Variants in RBMS3 observed in about 807,000 individuals in gnomAD.
RBMS3 encodes the protein RNA binding motif single stranded interacting protein 3.
Under a neutral mutation model 66.8 loss-of-function variants are expected in RBMS3, and 27 were observed. The ratio of observed to expected loss-of-function variants is 0.40; its 90% CI spans 0.30 to 0.56. The LOEUF (loss-of-function observed/expected upper bound fraction) is 0.56, where lower values mean the gene tolerates loss of function less well. RBMS3 is among the 20% of genes least tolerant of loss of function. The pLI is 0.40. For missense variants in RBMS3, 513 were observed against 549.5 expected (o/e 0.93, Z 0.66); for synonymous variants, 188 against 183.0 (o/e 1.03, Z -0.22).
At chr3:29,657,761 T>A (rs1023883273) in intron 4 of RBMS3, among the ~76,000 whole-genome samples, 5 of 152,192 alleles carry the variant, frequency 3.3e-5, no homozygotes, top group African/African-American at 1.2e-4. Context: ...ACAAATGTTC[T>A]TGCTCTTTTA....
Position 29,627,074 on chromosome 3 carries a change from T to C in RBMS3, c.399+39869T>C, listed in dbSNP as rs936335787. Among the ~76,000 whole-genome samples, 53 of 152,280 alleles carry C rather than the reference T, an allele frequency of 3.5e-4. 2 individuals carry two copies. The highest frequency in any genetic ancestry group is 2.9e-3 in the Admixed American group (45 of 15,282). On this transcript the variant is annotated intron_variant, in intron 4 of 14. Transcript: ENST00000383767. ...AATAGTAATAAGAATATCTACCTCTTTCATTACTGTGACGGATTTAATAAG... is the reference window on the plus strand; with the variant it reads ...AATAGTAATAAGAATATCTACCTCTCTCATTACTGTGACGGATTTAATAAG...
intron 3 of RBMS3, among the ~76,000 whole-genome samples, chr3:29,539,219 G>A (rs73828688): frequency 0.015 from 2,297 of 152,064 alleles, 52 homozygotes; most frequent in African/African-American, 0.053. Context: ...ATACATTGTC[G>A]ATGCAAAAAA....
chr3:29,555,801 A>G (rs1161636528), intron 3 of RBMS3, among the ~76,000 whole-genome samples: 5 of 152,210 alleles, frequency 3.3e-5, no homozygotes, highest in Admixed American at 2.6e-4. Context: ...ATACCATGCT[A>G]TTGTTACTCT....
At chr3:29,615,332 C>T (rs1170621489) in intron 4 of RBMS3, 1 of 152,146 alleles carries the variant, frequency 6.6e-6, no homozygotes, top group Non-Finnish European at 1.5e-5. Context: ...GGTCTCCTGT[C>T]TGTGATCATG....
At chr3:30,002,565 T>C (rs1452474112) in intron 14 of RBMS3, among the ~76,000 whole-genome samples, 1 of 152,092 alleles carries the variant, frequency 6.6e-6, no homozygotes, top group Non-Finnish European at 1.5e-5. Flanking sequence ...TTATTGTTGC[T>C]ACTGTATGAA....
chr3:29,892,802 A>G (rs1335918380), intron 8 of RBMS3, among the ~76,000 whole-genome samples: 2 of 140,184 alleles, frequency 1.4e-5, no homozygotes, highest in African/African-American at 5.4e-5. Flanking sequence ...CTCTGCTTGA[A>G]GTATGTATGT....
chr3:29,930,109 CTT>C (rs775548425), intron 10 of RBMS3, among the ~76,000 whole-genome samples: 4 of 43,556 alleles, frequency 9.2e-5, no homozygotes, highest in South Asian at 1.2e-3. Flanking sequence ...TTCTTTCTTT[CTT>C]TTTTTTTTTT....
chr3:29,725,279 A>T (rs976081463), intron 4 of RBMS3, among the ~76,000 whole-genome samples: 8 of 152,198 alleles, frequency 5.3e-5, no homozygotes, highest in Non-Finnish European at 1.2e-4. Flanking sequence ...CATTAAACGT[A>T]AGACTTATTT....
At chr3:29,801,152 C>T (rs2149443135) in intron 6 of RBMS3, among the ~76,000 whole-genome samples, 1 of 151,982 alleles carries the variant, frequency 6.6e-6, no homozygotes, top group African/African-American at 2.4e-5. Context: ...TATCAGAAGC[C>T]AAAACTGTAA....
At chr3:29,976,505 A>G (rs1157142951) in intron 12 of RBMS3, among the ~76,000 whole-genome samples, 1 of 152,124 alleles carries the variant, frequency 6.6e-6, no homozygotes, top group African/African-American at 2.4e-5. Flanking sequence ...GATCTAGTTC[A>G]TTATCCATTA....
At chr3:29,698,763 C>A in intron 4 of RBMS3, 1 of 411,540 alleles carries the variant, frequency 2.4e-6, no homozygotes, top group Non-Finnish European at 3.3e-6. Context: ...ATTTATAGAG[C>A]TTATTTTTAA....
intron 6 of RBMS3, among the ~76,000 whole-genome samples, chr3:29,802,839 TA>T (rs2057431091): frequency 6.6e-6 from 1 of 152,206 alleles, no homozygotes; most frequent in Non-Finnish European, 1.5e-5. Flanking sequence ...GTAACATTTA[TA>T]AAATGGGAGT....
intron 4 of RBMS3, among the ~76,000 whole-genome samples, chr3:29,714,747 TACACACACACAC>T (rs34878958): frequency 1.3e-5 from 2 of 149,336 alleles, no homozygotes; most frequent in South Asian, 2.1e-4. Context: ...TGCACACATG[TACACACACACAC>T]ACACACACAC....
chr3:29,895,903 TA>T (rs1025703639), intron 8 of RBMS3, among the ~76,000 whole-genome samples: 103 of 143,996 alleles, frequency 7.2e-4, no homozygotes, highest in African/African-American at 1.5e-3. Flanking sequence ...GTATTGTCTT[TA>T]AAAAAAAAAA....
intron 8 of RBMS3, among the ~76,000 whole-genome samples, chr3:29,893,902 C>T (rs2060061716): frequency 6.6e-6 from 1 of 151,446 alleles, no homozygotes; most frequent in Admixed American, 6.6e-5. Flanking sequence ...CCATAAGCTG[C>T]TCTGCATTTA....
rs192740533 is a variant in RBMS3 at position 29,492,725 on chromosome 3, A to G, written c.307+4226A>G. On this transcript the variant is annotated intron_variant, in intron 3 of 14. Coordinates refer to ENST00000383767, the MANE Select transcript of RBMS3 (RefSeq NM_001003793.3). ...TCCAGTGGGAGGAAGGATATGGGAG[A>G]AAAAAAAAGAAACAAAACTCAAACT... Among the ~76,000 whole-genome samples, 5 of 151,608 alleles carry G rather than the reference A, an allele frequency of 3.3e-5. No individual in the cohort carries two copies. In the East Asian group the frequency reaches 9.7e-4, roughly 29 times the overall value.
intron 4 of RBMS3, among the ~76,000 whole-genome samples, chr3:29,694,767 A>AT (rs2052186627): frequency 2.0e-5 from 3 of 152,172 alleles, no homozygotes; most frequent in Non-Finnish European, 4.4e-5. Context: ...GCATAAAAAA[A>AT]TAAAAAAAAT....
intron 14 of RBMS3, among the ~76,000 whole-genome samples, chr3:29,991,919 G>C (rs926971794): frequency 6.6e-6 from 1 of 152,048 alleles, no homozygotes; most frequent in Non-Finnish European, 1.5e-5. Context: ...AAAATGGCAA[G>C]GATTTTCAGA....
At chr3:29,723,559 G>A (rs2053735405) in intron 4 of RBMS3, among the ~76,000 whole-genome samples, 1 of 149,164 alleles carries the variant, frequency 6.7e-6, no homozygotes, top group African/African-American at 2.5e-5. Context: ...GATCATTTAT[G>A]CACTAGTTGC....
Sources: gnomAD v4.1 joint callset for allele counts (sites outside exome capture counted in the v4.1 genomes callset) on GRCh38, gnomAD v4.1.1 for gene constraint, MANE v1.5 for transcripts, NCBI Gene and HGNC (gene_info 2026-07-23, HGNC 2026-07-21) for gene names.